Variants in BRD7 observed in about 807,000 individuals in gnomAD.
The protein encoded by BRD7 is bromodomain-containing protein 7.
In BRD7, 15 loss-of-function variants were observed where a neutral mutation model predicts 82.1. That is an observed-to-expected ratio of 0.18 (90% CI 0.12 to 0.28). The LOEUF is 0.28. Ranked by LOEUF, BRD7 falls within the 10% of genes least tolerant of loss-of-function variation. The pLI, the probability that BRD7 is intolerant of heterozygous loss-of-function variation, is 1.00. For missense variants in BRD7, 638 were observed against 779.9 expected (o/e 0.82, Z 2.17); for synonymous variants, 232 against 266.9 (o/e 0.87, Z 1.27).
rs769867359 is a variant in BRD7 at position 50,316,266 on chromosome 16, G to C, written c.*2945C>G. 2.6e-5 allele frequency: 4 copies of C among 152,390 alleles called. No homozygotes were observed. Among genetic ancestry groups the C allele is most frequent in the African/African-American group, 7.2e-5 (3 of 41,444 alleles). The allele number at this position is 152,390 out of a possible 1,614,324, so 9.4% of individuals were successfully genotyped here. ...ATGGGGTCAGCTGGCTGTGGGGATAGAGTCCTGAGGAATGTGGTCACAGCA... is the reference window on the plus strand; with the variant it reads ...ATGGGGTCAGCTGGCTGTGGGGATACAGTCCTGAGGAATGTGGTCACAGCA... On this transcript the variant is annotated 3_prime_UTR_variant, in exon 17 of 17. Coordinates refer to ENST00000394688, the MANE Select transcript of BRD7 (RefSeq NM_013263.5).
At chr16:50,347,455 AGAG>A (rs1278303495) in intron 5 of BRD7, among the ~76,000 whole-genome samples, 1 of 152,180 alleles carries the variant, frequency 6.6e-6, no homozygotes, top group Non-Finnish European at 1.5e-5. Flanking sequence ...AATTAGGAAA[AGAG>A]GAAGTCAAAT....
intron 5 of BRD7, among the ~76,000 whole-genome samples, chr16:50,342,879 A>G (rs986036082): frequency 6.6e-6 from 1 of 152,308 alleles, no homozygotes; most frequent in East Asian, 1.9e-4. Flanking sequence ...GTGGCGGTTG[A>G]ATACATAGTA....
intron 11 of BRD7, among the ~76,000 whole-genome samples, chr16:50,324,026 ACT>A (rs773510329): frequency 1.3e-5 from 2 of 151,652 alleles, no homozygotes; most frequent in Non-Finnish European, 1.5e-5. Flanking sequence ...GGATCAAAAA[ACT>A]CTCAAAAGTT....
Position 50,368,151 on chromosome 16 carries a change from C to T in BRD7, c.197G>A (p.Arg66Lys), listed in dbSNP as rs1348430655. 1.2e-6 allele frequency: 2 copies of T among 1,614,100 alleles called. No homozygotes were observed. The highest frequency in any genetic ancestry group is 2.2e-5 in the East Asian group (1 of 44,878). Residue 66 changes from arginine (R) to lysine (K), a missense_variant, in exon 2 of 17, where the codon AGA becomes AAA. Around this residue, in one of 3 missense-constraint regions of BRD7, gnomAD observed 172 missense variants for 155.3 expected, o/e 1.11. Transcript: ENST00000394688. ...TGGAATCTGCTTCTCTCCTTTCTTTCTCTTTTTCCGCTTTCTGTCCTTGTG... is the reference window on the plus strand; with the variant it reads ...TGGAATCTGCTTCTCTCCTTTCTTTTTCTTTTTCCGCTTTCTGTCCTTGTG... ...DKHKDRKRKK[R>K]KKGEKQIPGE...
intron 9 of BRD7, among the ~76,000 whole-genome samples, chr16:50,326,654 T>A (rs760806885): frequency 6.6e-5 from 10 of 152,164 alleles, no homozygotes; most frequent in Non-Finnish European, 1.2e-4. Context: ...ACTTAAAAAA[T>A]TAATTTTTAT....
rs2036941146 is a variant in BRD7 at position 50,318,833 on chromosome 16, G to A, written c.*378C>T. 1 of 164,088 alleles carries A rather than the reference G, an allele frequency of 6.1e-6. No homozygotes were observed. The highest frequency in any genetic ancestry group is 2.4e-5 in the African/African-American group (1 of 41,862). The allele number at this position is 164,088 out of a possible 1,614,324, so 10.2% of individuals were successfully genotyped here. On this transcript the variant is annotated 3_prime_UTR_variant, in exon 17 of 17. Coordinates refer to ENST00000394688, the MANE Select transcript of BRD7 (RefSeq NM_013263.5). Reference sequence around the variant, plus strand: ...GGGCATCATTCCCACTGGGTATGCAGGGGCAGAACCACAGTAGTAAATTCT... The same window carrying A: ...GGGCATCATTCCCACTGGGTATGCAAGGGCAGAACCACAGTAGTAAATTCT...
In BRD7 at chr16:50,368,829, C is replaced by T. The variant is rs1413110641; in HGVS notation, c.-55G>A. On this transcript the variant is annotated 5_prime_UTR_variant, in exon 1 of 17. Transcript: ENST00000394688. ...GCGCCAGGCCCAGGCCGTGCGGCGC[C>T]GCTTCCGGTCCGGGCCAGGCGAGCG... The T allele has an allele frequency of 2.2e-6, 3 of 1,369,936 alleles. No individual in the cohort carries two copies. In the East Asian group the frequency reaches 1.0e-4, roughly 46 times the overall value. The allele number at this position is 1,369,936 out of a possible 1,614,324, so 84.9% of individuals were successfully genotyped here.
chr16:50,365,050 T>C (rs1372939515), intron 2 of BRD7, among the ~76,000 whole-genome samples: 1 of 152,138 alleles, frequency 6.6e-6, no homozygotes, highest in Non-Finnish European at 1.5e-5. Context: ...GAAAGCAAGA[T>C]ACTCCCGTAT....
chr16:50,360,155 A>G (rs1261437358), intron 2 of BRD7, among the ~76,000 whole-genome samples: 1 of 152,242 alleles, frequency 6.6e-6, no homozygotes, highest in Non-Finnish European at 1.5e-5. Flanking sequence ...CCCTCTGGAC[A>G]GTGGTCCTTG....
intron 2 of BRD7, among the ~76,000 whole-genome samples, chr16:50,356,521 A>C (rs1383762074): frequency 6.6e-6 from 1 of 152,200 alleles, no homozygotes; most frequent in Non-Finnish European, 1.5e-5. Context: ...GTTGCAGAAC[A>C]ATTACTGTTA....
At chr16:50,355,480 T>C (rs1475664369) in intron 2 of BRD7, among the ~76,000 whole-genome samples, 2 of 152,334 alleles carry the variant, frequency 1.3e-5, no homozygotes, top group African/African-American at 2.4e-5. Flanking sequence ...TATAACGTGA[T>C]AATAAGACAA....
chr16:50,346,118 C>T (rs1460102338), intron 5 of BRD7, among the ~76,000 whole-genome samples: 2 of 152,242 alleles, frequency 1.3e-5, no homozygotes, highest in African/African-American at 4.8e-5. Context: ...AAGAAACTCA[C>T]TCAAAACCGC....
Position 50,363,059 on chromosome 16 carries a change from T to G in BRD7, c.258+5031A>C, listed in dbSNP as rs142693837. Among the ~76,000 whole-genome samples the G allele has an allele frequency of 2.7e-3, 417 of 152,364 alleles. 1 individual carries two copies. Among genetic ancestry groups the G allele is most frequent in the African/African-American group, 9.6e-3 (401 of 41,590 alleles). On this transcript the variant is annotated intron_variant, in intron 2 of 16. Transcript: ENST00000394688. ...CTATATGCCTGATAAGTAGCAGTTG[T>G]TATTTGTAAAACGTTACGTGTAGCT... is the stretch of plus-strand genomic sequence containing the variant.
chr16:50,340,380 T>G (rs1316953936), intron 5 of BRD7, among the ~76,000 whole-genome samples: 1 of 152,190 alleles, frequency 6.6e-6, no homozygotes, highest in Non-Finnish European at 1.5e-5. Context: ...TTCAGTATAA[T>G]CTTACTGCAC....
At position 50,334,742 on chromosome 16, in the gene BRD7, C is replaced by A. The variant is rs892698215; in HGVS notation, c.856G>T (p.Ala286Ser). 4 of 1,613,770 alleles carry A rather than the reference C, an allele frequency of 2.5e-6. No homozygotes were observed. The Admixed American group carries it at 6.7e-5, about 27-fold the overall frequency. The change falls in exon 7 of 17, where the codon GCC becomes TCC. Residue 286 changes from alanine (A) to serine (S), a missense_variant. Physicochemically the swap from Ala to Ser is moderately conservative, Grantham distance 99. Coordinates refer to ENST00000394688, the MANE Select transcript of BRD7 (RefSeq NM_013263.5). ...TTTTCTTTGCTGGGACTCTTGAAGG[C>A]GTGTGCTTCGGCATCTCCAGAGTCC... Reference protein sequence around the residue: ...REDSGDAEAHAFKSPSKENKK... With the variant: ...REDSGDAEAHSFKSPSKENKK...
intron 2 of BRD7, among the ~76,000 whole-genome samples, chr16:50,362,800 T>TG (rs141848374): frequency 0.01 from 1,520 of 151,982 alleles, 24 homozygotes; most frequent in African/African-American, 0.034. Flanking sequence ...GAAAGGAAAA[T>TG]GGGGAGTTTT....
intron 2 of BRD7, among the ~76,000 whole-genome samples, chr16:50,359,164 A>C (rs1040209048): frequency 4.6e-5 from 7 of 152,250 alleles, no homozygotes; most frequent in African/African-American, 1.7e-4. Flanking sequence ...AAAACTAAGC[A>C]AAAATATTAG....
At chr16:50,333,027 G>C (rs1246163594) in intron 8 of BRD7, among the ~76,000 whole-genome samples, 1 of 152,114 alleles carries the variant, frequency 6.6e-6, no homozygotes, top group Non-Finnish European at 1.5e-5. Context: ...ACTTCCTACT[G>C]GGTACTATGT....
At chr16:50,326,981 G>C (rs1034963666) in intron 9 of BRD7, among the ~76,000 whole-genome samples, 1 of 152,192 alleles carries the variant, frequency 6.6e-6, no homozygotes, top group African/African-American at 2.4e-5. Context: ...ATCTAACAGA[G>C]GGACATCTGC....
Sources: gnomAD v4.1 joint callset for allele counts (sites outside exome capture counted in the v4.1 genomes callset) on GRCh38, gnomAD v4.1.1 for gene constraint, gnomAD v4.1.1 regional missense constraint, MANE v1.5 for transcripts, NCBI Gene and HGNC (gene_info 2026-07-23, HGNC 2026-07-21) for gene names.